Variants in SLCO1B1 observed in about 807,000 individuals in gnomAD.
SLCO1B1 encodes solute carrier organic anion transporter family member 1B1.
Under a neutral mutation model 70.1 loss-of-function variants are expected in SLCO1B1, and 81 were observed. The ratio of observed to expected loss-of-function variants is 1.16; its 90% CI spans 0.97 to 1.39. The LOEUF is 1.39. Among genes scored for constraint, SLCO1B1 ranks in the 40% most tolerant of loss-of-function variants. The pLI is 0.00. For synonymous variants in SLCO1B1, 283 were observed against 271.5 expected (o/e 1.04, Z -0.42); for missense variants, 895 against 799.6 (o/e 1.12, Z -1.44).
At chr12:21,211,414 C>G (rs1200076070) in intron 11 of SLCO1B1, among the ~76,000 whole-genome samples, 1 of 152,252 alleles carries the variant, frequency 6.6e-6, no homozygotes, top group Non-Finnish European at 1.5e-5. Context: ...ATGAAGCCCA[C>G]TTGATCATGG....
chr12:21,135,606 T>C (rs1940208231), intron 1 of SLCO1B1, among the ~76,000 whole-genome samples: 2 of 152,184 alleles, frequency 1.3e-5, no homozygotes. Context: ...CTTTGTCTCT[T>C]TTGATCTTTG....
At chr12:21,201,856 CT>C (rs1488284571) in intron 9 of SLCO1B1, among the ~76,000 whole-genome samples, 1 of 152,080 alleles carries the variant, frequency 6.6e-6, no homozygotes, top group East Asian at 1.9e-4. Context: ...CTATATCATT[CT>C]TCTTTTTAAA....
At chr12:21,194,551 G>A (rs1218002737) in intron 7 of SLCO1B1, among the ~76,000 whole-genome samples, 3 of 152,124 alleles carry the variant, frequency 2.0e-5, no homozygotes, top group South Asian at 2.1e-4. Flanking sequence ...TCCATGTCAC[G>A]ATCTGCATTT....
At chr12:21,209,044 TTTAA>T (rs945266695) in intron 11 of SLCO1B1, among the ~76,000 whole-genome samples, 3 of 151,792 alleles carry the variant, frequency 2.0e-5, no homozygotes, top group Admixed American at 6.6e-5. Context: ...AGGGTTTTTT[TTTAA>T]TTAATTAATT....
intron 10 of SLCO1B1, among the ~76,000 whole-genome samples, chr12:21,203,505 G>A (rs1941180904): frequency 6.6e-6 from 1 of 151,976 alleles, no homozygotes; most frequent in Admixed American, 6.6e-5. Flanking sequence ...GTTCTTTAGT[G>A]CTGCTTACTA....
intron 14 of SLCO1B1, among the ~76,000 whole-genome samples, chr12:21,235,772 G>A (rs1183326303): frequency 4.6e-5 from 7 of 152,106 alleles, no homozygotes; most frequent in African/African-American, 1.4e-4. Context: ...ACTGGTCTGG[G>A]AAATATTTTA....
chr12:21,190,129 G>A (rs1941012430), intron 7 of SLCO1B1, among the ~76,000 whole-genome samples: 2 of 152,254 alleles, frequency 1.3e-5, no homozygotes, highest in South Asian at 4.1e-4. Context: ...CTCTTACCCT[G>A]AGGCAGAGCA....
intron 14 of SLCO1B1, among the ~76,000 whole-genome samples, chr12:21,234,301 T>G (rs1941573828): frequency 6.6e-6 from 1 of 152,164 alleles, no homozygotes; most frequent in Non-Finnish European, 1.5e-5. Flanking sequence ...GTTCAGGATC[T>G]GCAAAATATA....
rs559029990 is a variant in SLCO1B1, at chr12:21,212,494, A to T, written c.1498-4625A>T. 9.0e-3 allele frequency among the ~76,000 whole-genome samples: 1,293 copies of T among 144,122 alleles called. 9 individuals carry two copies. The highest frequency in any genetic ancestry group is 0.014 in the Non-Finnish European group (946 of 66,536). The allele number at this position is 144,122 out of a possible 152,430, so 94.5% of individuals were successfully genotyped here. On this transcript the variant is annotated intron_variant, in intron 11 of 14. Transcript: ENST00000256958. The stretch of plus-strand genomic sequence containing the variant: ...GAGCTTTACTTCCCAGTATGTGGTC[A>T]GTTTTGGAATAGGTGTGGTGTGGTG...
intron 9 of SLCO1B1, among the ~76,000 whole-genome samples, chr12:21,200,977 C>A (rs4149067): frequency 3.3e-5 from 5 of 151,750 alleles, no homozygotes; most frequent in African/African-American, 1.2e-4. Flanking sequence ...TGAGACAAAC[C>A]CTTTTGTAAT....
intron 12 of SLCO1B1, among the ~76,000 whole-genome samples, chr12:21,218,462 GA>G (rs4149101): frequency 3.4e-5 from 5 of 148,046 alleles, no homozygotes; most frequent in Admixed American, 1.3e-4. Flanking sequence ...TGGTAGAGAT[GA>G]AAAAAAAAAG....
chr12:21,239,311 G>A lies in SLCO1B1; in HGVS notation c.*122G>A, dbSNP rs1941625402. 1.3e-6 allele frequency: 1 copy of A among 781,764 alleles called. No individual in the cohort carries two copies. Among genetic ancestry groups the A allele is most frequent in the Non-Finnish European group, 2.3e-6 (1 of 437,800 alleles). The allele number at this position is 781,764 out of a possible 1,614,324, so 48.4% of individuals were successfully genotyped here. On this transcript the variant is annotated 3_prime_UTR_variant, in exon 15 of 15. Transcript: ENST00000256958. ...AAGAATTTCCACATCTTTTATGGTG[G>A]AAGTATAAATAAGCCTATGAACTTA...
chr12:21,178,969 C>G lies in SLCO1B1; in HGVS notation c.676C>G (p.Leu226Val), dbSNP rs747781086. ...AMIGPIIGFTLGSLFSKMYVD... is the reference protein window; with the variant it reads ...AMIGPIIGFTVGSLFSKMYVD... ...GATTGGTCCAATCATTGGCTTTACC[C>G]TGGGATCTCTGTTTTCTAAAATGTA... is the stretch of plus-strand genomic sequence containing the variant. Residue 226 changes from leucine (L) to valine (V), a missense_variant, in exon 7 of 15, where the codon CTG becomes GTG. By Grantham distance (32) the Leu-to-Val change is conservative. Transcript: ENST00000256958. 6.2e-7 allele frequency: 1 copy of G among 1,612,104 alleles called. No individual in the cohort carries two copies. The highest frequency in any genetic ancestry group is 8.5e-7 in the Non-Finnish European group (1 of 1,178,636).
intron 14 of SLCO1B1, among the ~76,000 whole-genome samples, chr12:21,235,432 G>A (rs1021466447): frequency 2.0e-5 from 3 of 146,698 alleles, no homozygotes; most frequent in African/African-American, 7.6e-5. Context: ...AAGTCTATGG[G>A]TGTCCTTACA....
intron 14 of SLCO1B1, among the ~76,000 whole-genome samples, chr12:21,227,073 T>C (rs1164158958): frequency 6.6e-6 from 1 of 152,122 alleles, no homozygotes; most frequent in Non-Finnish European, 1.5e-5. Flanking sequence ...AGCAGCAAAC[T>C]TCTAGAAATT....
At chr12:21,210,115 T>C (rs1941263416) in intron 11 of SLCO1B1, among the ~76,000 whole-genome samples, 1 of 147,796 alleles carries the variant, frequency 6.8e-6, no homozygotes, top group Non-Finnish European at 1.5e-5. Context: ...TTTGGTGTTT[T>C]AGACATGAAT....
At chr12:21,218,588 A>G (rs1941387122) in intron 12 of SLCO1B1, among the ~76,000 whole-genome samples, 1 of 150,696 alleles carries the variant, frequency 6.6e-6, no homozygotes, top group East Asian at 2.0e-4. Flanking sequence ...TGCCACAGAT[A>G]TAGCTCCATC....
chr12:21,214,028 G>A (rs577489074), intron 11 of SLCO1B1, among the ~76,000 whole-genome samples: 2 of 152,088 alleles, frequency 1.3e-5, no homozygotes, highest in Admixed American at 6.5e-5. Flanking sequence ...CTGTAGCTCA[G>A]AGTAATTTGA....
Position 21,178,936 on chromosome 12 carries a change from A to C in SLCO1B1, c.643A>C (p.Ile215Leu), listed in dbSNP as rs1162119753. 6.2e-7 allele frequency: 1 copy of C among 1,609,772 alleles called. No homozygotes were observed. Among genetic ancestry groups the C allele is most frequent in the African/African-American group, 1.3e-5 (1 of 74,840 alleles). ...AATATTTTCAGGTATATTGAATGCA[A>C]TAGCAATGATTGGTCCAATCATTGG... ...SSLYLGILNA[I>L]AMIGPIIGFT... The change falls in exon 7 of 15, where the codon ATA (isoleucine) becomes CTA (leucine). Residue 215 changes from isoleucine (I) to leucine (L), a missense_variant. Coordinates refer to ENST00000256958, the MANE Select transcript of SLCO1B1 (RefSeq NM_006446.5).
Sources: gnomAD v4.1 joint callset for allele counts (sites outside exome capture counted in the v4.1 genomes callset) on GRCh38, gnomAD v4.1.1 for gene constraint, MANE v1.5 for transcripts, NCBI Gene and HGNC (gene_info 2026-07-23, HGNC 2026-07-21) for gene names.